The following SLC6A11 variants were observed in gnomAD, a reference collection of about 807,000 sequenced individuals.
The protein encoded by SLC6A11 is solute carrier family 6 member 11.
In SLC6A11, 25 loss-of-function variants were observed where a neutral mutation model predicts 74.8. The observed-to-expected ratio is 0.33, with a 90% CI of 0.24 to 0.47. The LOEUF (loss-of-function observed/expected upper bound fraction) is 0.47, where lower values mean the gene tolerates loss of function less well. Ranked by LOEUF, SLC6A11 falls within the 20% of genes least tolerant of loss-of-function variation. SLC6A11 has a pLI of 1.00. For missense variants in SLC6A11, 574 were observed against 837.0 expected (o/e 0.69, Z 3.88); for synonymous variants, 330 against 330.2 (o/e 1.00, Z 0.01).
Position 10,938,433 on chromosome 3 carries a change from C to G in SLC6A11, c.*31C>G. 6.4e-7 allele frequency: 1 copy of G among 1,561,142 alleles called. No homozygotes were observed. Among genetic ancestry groups the G allele is most frequent in the East Asian group, 2.3e-5 (1 of 43,930 alleles). Reference sequence around the variant, plus strand: ...CACCAGCCATCTGGGGCTCTTCTTCCTTTCTTCCCCCCGTGTATGTAAATG... The same window carrying G: ...CACCAGCCATCTGGGGCTCTTCTTCGTTTCTTCCCCCCGTGTATGTAAATG... On this transcript the variant is annotated 3_prime_UTR_variant, in exon 14 of 14. Transcript: ENST00000254488.
chr3:10,892,518 C>T (rs1286785706), intron 6 of SLC6A11, among the ~76,000 whole-genome samples: 1 of 151,992 alleles, frequency 6.6e-6, no homozygotes, highest in Non-Finnish European at 1.5e-5. Context: ...CTCCTTGTGC[C>T]AGAGTTCCAT....
At chr3:10,934,190 C>T in intron 12 of SLC6A11, 24 bp downstream of exon 12, 2 of 1,474,324 alleles carry the variant, frequency 1.4e-6, no homozygotes, top group Non-Finnish European at 1.9e-6. Context: ...CAGGAGCCAC[C>T]TCCAGCCATC....
chr3:10,925,693 A>C (rs1559585836), intron 8 of SLC6A11, among the ~76,000 whole-genome samples: 1 of 152,078 alleles, frequency 6.6e-6, no homozygotes, highest in Non-Finnish European at 1.5e-5. Flanking sequence ...TTAACAAGAA[A>C]CTGCACCTTC....
chr3:10,938,223 A>G, intron 13 of SLC6A11, 27 bp from the exon 14 acceptor site: 1 of 1,567,912 alleles, frequency 6.4e-7, no homozygotes, highest in South Asian at 1.2e-5. Flanking sequence ...AATCACTCAG[A>G]TCTTCCCCTC....
At chr3:10,913,921 C>G (rs1559581066) in intron 7 of SLC6A11, among the ~76,000 whole-genome samples, 1 of 152,076 alleles carries the variant, frequency 6.6e-6, no homozygotes, top group African/African-American at 2.4e-5. Context: ...TCTTGATCTC[C>G]TGACCTCGTG....
chr3:10,849,473 G>T (rs927484313), intron 5 of SLC6A11, among the ~76,000 whole-genome samples: 2 of 151,962 alleles, frequency 1.3e-5, no homozygotes, highest in Non-Finnish European at 2.9e-5. Context: ...TCCAATTATT[G>T]ACCAAGTCTG....
At chr3:10,861,819 C>T (rs1020734152) in intron 5 of SLC6A11, among the ~76,000 whole-genome samples, 1 of 152,136 alleles carries the variant, frequency 6.6e-6, no homozygotes, top group African/African-American at 2.4e-5. Context: ...AGAAATGAAG[C>T]AGTTTTGAAA....
chr3:10,840,782 T>G (rs1471615700), intron 4 of SLC6A11, among the ~76,000 whole-genome samples: 1 of 152,152 alleles, frequency 6.6e-6, no homozygotes, highest in Non-Finnish European at 1.5e-5. Context: ...GCTGAGGATG[T>G]GAGTTTGGGC....
chr3:10,843,709 A>G (rs1436976263), intron 4 of SLC6A11, among the ~76,000 whole-genome samples: 1 of 152,184 alleles, frequency 6.6e-6, no homozygotes. Context: ...GTCTTGACAC[A>G]GGCTTCCATA....
chr3:10,903,608 C>T (rs1361041945), intron 6 of SLC6A11, among the ~76,000 whole-genome samples: 3 of 152,184 alleles, frequency 2.0e-5, no homozygotes, highest in Non-Finnish European at 4.4e-5. Context: ...TAAATGCATG[C>T]TTATGGTGCG....
rs773684894 is a variant in SLC6A11, at chr3:10,844,223, C to T, written c.633C>T (p.Val211=). ...ACCCTCCCTTCTGCAGGCACCGGGT[C>T]CTGGCCATCTCTGACGGGATCGAGC... ...SPVMEFWEHR[V]LAISDGIEHI... is the part of the protein sequence containing the mutation. The change falls in exon 5 of 14, where the codon GTC becomes GTT. Residue 211 remains valine, a synonymous_variant. Transcript: ENST00000254488. 1.4e-5 allele frequency: 23 copies of T among 1,614,208 alleles called. No individual in the cohort carries two copies. The highest frequency in any genetic ancestry group is 1.8e-5 in the Non-Finnish European group (21 of 1,180,032).
In SLC6A11 at chr3:10,920,862, G is replaced by C. The variant is rs77662838; in HGVS notation, c.1120+2409G>C. Among the ~76,000 whole-genome samples the C allele has an allele frequency of 0.012, 1,824 of 152,314 alleles. 65 individuals are homozygous for C. The East Asian group carries it at 0.16, about 13-fold the overall frequency. ...GGCATCAAGCAGGAAAACCTGCTCT[G>C]TGCCTCTGGTTGGGGGTGTGGATCA... On this transcript the variant is annotated intron_variant, in intron 8 of 13. Coordinates refer to ENST00000254488, the MANE Select transcript of SLC6A11 (RefSeq NM_014229.3).
chr3:10,927,702 G>A (rs945637618), intron 9 of SLC6A11, among the ~76,000 whole-genome samples: 1 of 152,208 alleles, frequency 6.6e-6, no homozygotes, highest in Non-Finnish European at 1.5e-5. Context: ...CGAGGCCATA[G>A]CCTGGGCTTG....
intron 12 of SLC6A11, 67 bp from the exon 13 acceptor site, chr3:10,934,962 C>T (rs1333526029): frequency 4.2e-6 from 6 of 1,420,500 alleles, no homozygotes; most frequent in Non-Finnish European, 3.9e-6. Context: ...TCCTGGGCCT[C>T]AGACCCCTCA....
chr3:10,831,730 G>T (rs546013612), intron 4 of SLC6A11, among the ~76,000 whole-genome samples: 2 of 152,306 alleles, frequency 1.3e-5, no homozygotes, highest in East Asian at 3.9e-4. Context: ...GAGCCACGGG[G>T]TTAGTGAATA....
At chr3:10,872,875 G>A (rs1309725561) in intron 5 of SLC6A11, among the ~76,000 whole-genome samples, 4 of 152,176 alleles carry the variant, frequency 2.6e-5, no homozygotes, top group African/African-American at 7.2e-5. Context: ...GCTTGCATGC[G>A]TATCTGCATC....
At chr3:10,932,984 C>T (rs1437197820) in intron 10 of SLC6A11, among the ~76,000 whole-genome samples, 167 bp from the exon 11 acceptor site, 1 of 152,064 alleles carries the variant, frequency 6.6e-6, no homozygotes, top group Non-Finnish European at 1.5e-5. Context: ...AGGGGGCTCC[C>T]AGATGGGAGG....
rs1296019038 is a variant in SLC6A11, at chr3:10,816,611, C to A, written c.256+90C>A. On this transcript the variant is annotated intron_variant, in intron 1 of 13. Coordinates refer to ENST00000254488, the MANE Select transcript of SLC6A11 (RefSeq NM_014229.3). This position sits in a 1 kb window ranked among gnomAD's most constrained non-coding sequence, Gnocchi z 4.2. ...GCGAGCGCGAGACCCCCTCCCGCGC[C>A]TGCGTGGAGCGGAACCCGAGCGGAG... 1.5e-6 allele frequency: 2 copies of A among 1,318,654 alleles called. No homozygotes were observed. Among genetic ancestry groups the A allele is most frequent in the East Asian group, 3.0e-5 (1 of 33,504 alleles). The allele number at this position is 1,318,654 out of a possible 1,614,324, so 81.7% of individuals were successfully genotyped here. A position where few individuals can be genotyped will look rare whatever the true frequency, so the allele number is the denominator to read the frequency against.
rs1342170745 is a variant in SLC6A11 at position 10,939,182 on chromosome 3, A to G, written c.*780A>G. On this transcript the variant is annotated 3_prime_UTR_variant, in exon 14 of 14. Coordinates refer to ENST00000254488, the MANE Select transcript of SLC6A11 (RefSeq NM_014229.3). ...AGTTGTACCTCCTCCCCACCTGCTT[A>G]TTTAAAATCAAGTTTATTGTAGAAA... 6.6e-6 allele frequency: 1 copy of G among 152,212 alleles called. No homozygotes were observed. The highest frequency in any genetic ancestry group is 2.4e-5 in the African/African-American group (1 of 41,422). The allele number at this position is 152,212 out of a possible 1,614,324, so 9.4% of individuals were successfully genotyped here.
Sources: gnomAD v4.1 joint callset for allele counts (sites outside exome capture counted in the v4.1 genomes callset) on GRCh38, gnomAD v4.1.1 for gene constraint, Gnocchi (gnomAD v3.1) non-coding constraint, MANE v1.5 for transcripts, NCBI Gene and HGNC (gene_info 2026-07-23, HGNC 2026-07-21) for gene names.